The following SNX8 variants were observed in gnomAD, a reference collection of about 807,000 sequenced individuals.
The protein encoded by SNX8 is sorting nexin 8.
SNX8 carries 25 observed loss-of-function variants against 51.6 expected under a neutral mutation model. The ratio of observed to expected loss-of-function variants is 0.48; its 90% CI spans 0.35 to 0.68. SNX8 has a LOEUF of 0.68. Ranked by LOEUF, SNX8 falls within the 30% of genes least tolerant of loss-of-function variation. The pLI is 0.00. For missense variants in SNX8, 695 were observed against 624.0 expected, an observed-to-expected ratio of 1.11 and a Z score of -1.21; for synonymous variants, 324 against 277.0, an observed-to-expected ratio of 1.17 and a Z score of -1.68.
At chr7:2,323,893 G>A (rs1778582294) in intron 1 of SNX8, among the ~76,000 whole-genome samples, 1 of 151,908 alleles carries the variant, frequency 6.6e-6, no homozygotes, top group South Asian at 2.1e-4. Flanking sequence ...GCAACCTCAG[G>A]TGGATCACCT....
intron 9 of SNX8, 102 bp downstream of exon 9, chr7:2,257,263 C>T (rs1795209902): frequency 5.7e-6 from 8 of 1,401,420 alleles, no homozygotes; most frequent in Non-Finnish European, 7.7e-6. Flanking sequence ...GTTCCAGACA[C>T]AAGGAGCCAA....
At chr7:2,290,188 G>A (rs1796121292) in intron 1 of SNX8, among the ~76,000 whole-genome samples, 1 of 152,018 alleles carries the variant, frequency 6.6e-6, no homozygotes, top group South Asian at 2.1e-4. Context: ...GCAAAACTCT[G>A]CCTCTAAATA....
intron 3 of SNX8, among the ~76,000 whole-genome samples, chr7:2,272,587 G>A (rs769304115): frequency 7.9e-5 from 12 of 151,970 alleles, no homozygotes; most frequent in East Asian, 1.9e-4. Context: ...TGTTGGTCAC[G>A]CTGGTCTCCA....
At chr7:2,298,054 C>T (rs1237511340) in intron 1 of SNX8, among the ~76,000 whole-genome samples, 1 of 152,030 alleles carries the variant, frequency 6.6e-6, no homozygotes, top group Non-Finnish European at 1.5e-5. Context: ...AAAAGAAACA[C>T]TAAAAAAACA....
In SNX8 at chr7:2,264,302, G is replaced by C; in HGVS notation, c.778C>G (p.Leu260Val). The C allele has an allele frequency of 6.2e-7, 1 of 1,610,730 alleles. No homozygotes were observed. The highest frequency in any genetic ancestry group is 1.1e-5 in the South Asian group (1 of 91,056). The change falls in exon 6 of 11, where the codon CTA becomes GTA. Residue 260 changes from leucine to valine, a missense_variant. Physicochemically the swap from Leu to Val is conservative, Grantham distance 32. Coordinates refer to ENST00000222990, the MANE Select transcript of SNX8 (RefSeq NM_013321.4). Reference sequence around the variant, plus strand: ...AGAAGCTGAAAGGTCACCTACCTTAGCTCCTTCCCGAATATGAGAAGATCT... The same window carrying C: ...AGAAGCTGAAAGGTCACCTACCTTACCTCCTTCCCGAATATGAGAAGATCT... ...AADLLIFGKE[L>V]SAIGSDTTPL...
chr7:2,321,827 A>G (rs55940829), intron 1 of SNX8, among the ~76,000 whole-genome samples: 58,670 of 143,704 alleles, frequency 0.41, 13,475 homozygotes, highest in African/African-American at 0.66. Context: ...AGGTTCAATC[A>G]ATTCTCCTGC....
At chr7:2,287,006 G>A (rs1796045453) in intron 1 of SNX8, among the ~76,000 whole-genome samples, 1 of 151,256 alleles carries the variant, frequency 6.6e-6, no homozygotes, top group East Asian at 2.0e-4. Context: ...AGGCGTGGTG[G>A]TGGGCACCTG....
At chr7:2,344,764 C>T (rs889135646) in intron 1 of SNX8, among the ~76,000 whole-genome samples, 3 of 151,384 alleles carry the variant, frequency 2.0e-5, no homozygotes, top group Non-Finnish European at 4.4e-5. Flanking sequence ...ATACCAACAA[C>T]ACGAAAATTA....
intron 10 of SNX8, among the ~76,000 whole-genome samples, chr7:2,256,508 G>A (rs757993995): frequency 9.2e-5 from 14 of 152,216 alleles, no homozygotes; most frequent in South Asian, 2.1e-4. Flanking sequence ...AGCCGGCCAG[G>A]GCTCTCTGGA....
Position 2,271,985 on chromosome 7 carries a change from C to A in SNX8, c.419-14G>T. 1 of 1,613,768 alleles carries A rather than the reference C, an allele frequency of 6.2e-7. No individual in the cohort carries two copies. ...ACTCCCTGTCAGCTGGAGGAGCACA[C>A]GGGGTCACTGGACAGAGTCCAGGGC... On this transcript the variant is annotated splice_polypyrimidine_tract_variant and intron_variant, in intron 3 of 10. Coordinates refer to ENST00000222990, the MANE Select transcript of SNX8 (RefSeq NM_013321.4).
chr7:2,308,939 G>A (rs562945116), intron 1 of SNX8, among the ~76,000 whole-genome samples: 7 of 151,944 alleles, frequency 4.6e-5, no homozygotes, highest in African/African-American at 1.2e-4. Flanking sequence ...ACAGGCACTC[G>A]CCATTATGCC....
Position 2,351,692 on chromosome 7 carries a change from G to A in SNX8, c.-66+2530C>T, listed in dbSNP as rs574216910. Among the ~76,000 whole-genome samples, 172 of 151,792 alleles carry A rather than the reference G, an allele frequency of 1.1e-3. 2 individuals are homozygous for A. In the South Asian group the frequency reaches 0.022, roughly 20 times the overall value. On this transcript the variant is annotated intron_variant, in intron 1 of 5. Transcript: ENST00000435336. ...TAAAAATACAAAAAATTAGCCGGGT[G>A]TGGTGGCAGGCGCCTGTAGTCCCAG... is the stretch of plus-strand genomic sequence containing the variant.
chr7:2,264,579 G>A (rs1046175898), intron 5 of SNX8, 121 bp from the exon 6 acceptor site: 18 of 869,646 alleles, frequency 2.1e-5, no homozygotes, highest in South Asian at 1.7e-4. Context: ...GAGCCACCCC[G>A]GGAGCCCCAC....
chr7:2,290,766 CAG>C (rs1562441567), intron 1 of SNX8, among the ~76,000 whole-genome samples: 2 of 152,154 alleles, frequency 1.3e-5, no homozygotes, highest in East Asian at 3.9e-4. Flanking sequence ...ACGTAGTCAA[CAG>C]ACCCTGCCAC....
rs369623691 is a variant in SNX8 at position 2,327,080 on chromosome 7, C to T, written c.-66+27142G>A. ...CGGCAGGGCCACGCTGTCTCTGAAA[C>T]TCATAGGGGAGGATTCCTTCTTGCT... is the stretch of plus-strand genomic sequence containing the variant. On this transcript the variant is annotated intron_variant, in intron 1 of 5. Transcript: ENST00000435336. 4.6e-5 allele frequency among the ~76,000 whole-genome samples: 7 copies of T among 152,102 alleles called. No homozygotes were observed. The East Asian group carries it at 9.6e-4, about 21-fold the overall frequency.
intron 5 of SNX8, among the ~76,000 whole-genome samples, chr7:2,266,049 C>T (rs1033889281): frequency 3.3e-5 from 5 of 152,068 alleles, no homozygotes; most frequent in African/African-American, 1.2e-4. Context: ...CTCAGGAGGT[C>T]GAGGCTGCAA....
At position 2,257,112 on chromosome 7, in the gene SNX8, G is replaced by A. The variant is rs1306316669; in HGVS notation, c.1135-89C>T. On this transcript the variant is annotated intron_variant, in intron 9 of 10. Coordinates refer to ENST00000222990, the MANE Select transcript of SNX8 (RefSeq NM_013321.4). The stretch of plus-strand genomic sequence containing the variant: ...ACACCAGCGTGCTCCCTGAGCCAGG[G>A]CGGCCCCTTCTCCTTCAGCCTTCAC... 31 of 1,428,110 alleles carry A rather than the reference G, an allele frequency of 2.2e-5. No individual in the cohort carries two copies. In the South Asian group the frequency reaches 4.2e-4, roughly 20 times the overall value. 88.5% of individuals were successfully genotyped at this position (1,428,110 alleles called of 1,614,324 possible).
intron 1 of SNX8, among the ~76,000 whole-genome samples, chr7:2,338,453 C>CTG (rs1778869235): frequency 7.1e-6 from 1 of 140,566 alleles, no homozygotes; most frequent in Non-Finnish European, 1.5e-5. Context: ...CAGAGAGAGA[C>CTG]TGTGTCTCAA....
At chr7:2,259,895 GT>G (rs1234566785) in intron 7 of SNX8, among the ~76,000 whole-genome samples, 2 of 152,054 alleles carry the variant, frequency 1.3e-5, no homozygotes, top group African/African-American at 4.8e-5. Context: ...GGTGTCCAAT[GT>G]TTTGGCTTCC....
Sources: gnomAD v4.1 joint callset for allele counts (sites outside exome capture counted in the v4.1 genomes callset) on GRCh38, gnomAD v4.1.1 for gene constraint, MANE v1.5 for transcripts, NCBI Gene and HGNC (gene_info 2026-07-23, HGNC 2026-07-21) for gene names.